Variants in SGSM1 observed in about 807,000 individuals in gnomAD.
The protein encoded by SGSM1 is small G protein signaling modulator 1, also known as RUN and TBC1 domain containing 2.
SGSM1 carries 73 observed loss-of-function variants against 133.8 expected under a neutral mutation model. The ratio of observed to expected loss-of-function variants is 0.55; its 90% CI spans 0.45 to 0.66. The LOEUF (loss-of-function observed/expected upper bound fraction) is 0.66, where lower values mean the gene tolerates loss of function less well. Among genes scored for constraint, SGSM1 ranks in the 30% least tolerant of loss-of-function variants. The pLI is 0.00. For synonymous variants in SGSM1, 563 were observed against 573.0 expected (o/e 0.98, Z 0.25); for missense variants, 1,213 against 1,448.1 (o/e 0.84, Z 2.64).
At chr22:24,873,357 G>A (rs1243116941) in intron 12 of SGSM1, among the ~76,000 whole-genome samples, 1 of 152,088 alleles carries the variant, frequency 6.6e-6, no homozygotes, top group South Asian at 2.1e-4. Context: ...CTTGTGTGGG[G>A]GTTGCCTTGT....
chr22:24,908,181 T>C (rs139751), intron 21 of SGSM1, among the ~76,000 whole-genome samples: 30,608 of 152,024 alleles, frequency 0.2, 3,320 homozygotes, highest in East Asian at 0.42. Flanking sequence ...AAGATTGAAG[T>C]TGAACCCTTA....
intron 2 of SGSM1, among the ~76,000 whole-genome samples, chr22:24,809,517 A>T (rs1184647237): frequency 6.6e-6 from 1 of 152,230 alleles, no homozygotes; most frequent in African/African-American, 2.4e-5. Flanking sequence ...GAAGGGGCCA[A>T]CAGAGGCTGG....
chr22:24,835,173 A>T (rs1304793322), intron 2 of SGSM1, among the ~76,000 whole-genome samples: 1 of 152,268 alleles, frequency 6.6e-6, no homozygotes, highest in African/African-American at 2.4e-5. Context: ...AACATGCCTG[A>T]TGCAGGGAGG....
At chr22:24,809,783 T>C (rs1334253234) in intron 2 of SGSM1, among the ~76,000 whole-genome samples, 3 of 152,082 alleles carry the variant, frequency 2.0e-5, no homozygotes, top group Admixed American at 2.0e-4. Context: ...AGTTACCTTA[T>C]CAAAATTACA....
chr22:24,818,471 G>A (rs539974581), intron 2 of SGSM1, among the ~76,000 whole-genome samples: 8 of 151,148 alleles, frequency 5.3e-5, no homozygotes, highest in Admixed American at 2.6e-4. Context: ...AGGTTCAAGC[G>A]ATTCTCCTGC....
Position 24,912,672 on chromosome 22 carries a change from C to A in SGSM1, c.2848C>A (p.Leu950Ile). The A allele has an allele frequency of 6.2e-7, 1 of 1,613,628 alleles. No homozygotes were observed. The highest frequency in any genetic ancestry group is 8.5e-7 in the Non-Finnish European group (1 of 1,179,776). The change falls in exon 22 of 25, where the codon CTC becomes ATC. Residue 950 changes from leucine (L) to isoleucine (I), a missense_variant. By Grantham distance (5) the Leu-to-Ile change is conservative. Transcript: ENST00000400358. Reference sequence around the variant, plus strand: ...CCTTGCCTTCAGCTGCTTCACGGAGCTCATGAAGAGGATGAACCAGAACTT... The same window carrying A: ...CCTTGCCTTCAGCTGCTTCACGGAGATCATGAAGAGGATGAACCAGAACTT... ...EALAFSCFTE[L>I]MKRMNQNFPH...
chr22:24,879,390 G>A, intron 13 of SGSM1, 72 bp from the exon 14 acceptor site: 1 of 1,459,612 alleles, frequency 6.9e-7, no homozygotes, highest in East Asian at 2.3e-5. Context: ...GATAGCACGT[G>A]GTTATCCTCT....
chr22:24,830,749 C>T (rs1402620741), intron 2 of SGSM1, among the ~76,000 whole-genome samples: 5 of 62,668 alleles, frequency 8.0e-5, no homozygotes, highest in South Asian at 8.9e-4. Flanking sequence ...TGAGAATCAC[C>T]GGGAGGGCTT....
chr22:24,902,649 T>C (rs1180629952), intron 20 of SGSM1, among the ~76,000 whole-genome samples: 1 of 152,038 alleles, frequency 6.6e-6, no homozygotes, highest in Admixed American at 6.6e-5. Context: ...ATTACACCAT[T>C]GTACTCCAGC....
intron 20 of SGSM1, among the ~76,000 whole-genome samples, 179 bp downstream of exon 20, chr22:24,902,136 C>G (rs542945834): frequency 1.8e-4 from 27 of 152,296 alleles, no homozygotes; most frequent in African/African-American, 5.8e-4. Flanking sequence ...TTATTAAGCA[C>G]TTACTGTATA....
Position 24,917,708 on chromosome 22 carries a change from T to C in SGSM1, c.2979T>C (p.Thr993=). 1 of 1,614,020 alleles carries C rather than the reference T, an allele frequency of 6.2e-7. No homozygotes were observed. Among genetic ancestry groups the C allele is most frequent in the Non-Finnish European group, 8.5e-7 (1 of 1,179,962 alleles). ...TGATGCATCAGAACGGGGACTATAC[T>C]CACTTCTACTTCTGCTACCGCTGGT... ...FELMHQNGDY[T]HFYFCYRWFL... is the part of the protein sequence containing the mutation. The change falls in exon 23 of 25, where the codon ACT becomes ACC. Residue 993 remains threonine (T), a synonymous_variant. Coordinates refer to ENST00000400358, the MANE Select transcript of SGSM1 (RefSeq NM_001098497.3).
intron 19 of SGSM1, among the ~76,000 whole-genome samples, chr22:24,901,615 G>A (rs1193444589): frequency 6.6e-6 from 1 of 152,018 alleles, no homozygotes; most frequent in South Asian, 2.1e-4. Flanking sequence ...AGCTATAGTT[G>A]TAACTCTCTG....
chr22:24,920,916 A>G (rs1406679268), intron 24 of SGSM1, among the ~76,000 whole-genome samples: 1 of 152,178 alleles, frequency 6.6e-6, no homozygotes. Flanking sequence ...TATCATTGGC[A>G]CGTTACCATC....
intron 4 of SGSM1, 110 bp downstream of exon 4, chr22:24,847,906 C>G: frequency 7.1e-7 from 1 of 1,403,820 alleles, no homozygotes; most frequent in Non-Finnish European, 9.5e-7. Context: ...AGTCTCCATC[C>G]TGCTTCTCAA....
At chr22:24,835,318 A>G (rs149540455) in intron 2 of SGSM1, among the ~76,000 whole-genome samples, 134 of 152,214 alleles carry the variant, frequency 8.8e-4, no homozygotes, top group African/African-American at 2.8e-3. Flanking sequence ...GCGTCGCCTC[A>G]TCTAAACCTC....
chr22:24,899,637 C>T (rs948211374), intron 19 of SGSM1, among the ~76,000 whole-genome samples: 1 of 151,432 alleles, frequency 6.6e-6, no homozygotes, highest in African/African-American at 2.4e-5. Context: ...ATTCTCTTGC[C>T]TCAGCCTCCC....
chr22:24,850,154 G>T, intron 4 of SGSM1, 126 bp from the exon 5 acceptor site: 1 of 976,458 alleles, frequency 1.0e-6, no homozygotes, highest in Non-Finnish European at 1.5e-6. Context: ...CGGCAATATG[G>T]GCTCTTCTTG....
rs1934224055 is a variant in SGSM1 at position 24,926,825 on chromosome 22, T to C, written c.*2551T>C. 6.6e-6 allele frequency: 1 copy of C among 151,678 alleles called. No individual in the cohort carries two copies. Among genetic ancestry groups the C allele is most frequent in the South Asian group, 2.1e-4 (1 of 4,782 alleles). 9.4% of individuals were successfully genotyped at this position (151,678 alleles called of 1,614,324 possible). On this transcript the variant is annotated 3_prime_UTR_variant, in exon 25 of 25. Transcript: ENST00000400358. Reference sequence around the variant, plus strand: ...TGTGTCTATATATAGAGAAAATATATATAAACAGAGAAATATGTGAATCTG... The same window carrying C: ...TGTGTCTATATATAGAGAAAATATACATAAACAGAGAAATATGTGAATCTG...
At chr22:24,918,027 G>A (rs2123745904) in intron 23 of SGSM1, among the ~76,000 whole-genome samples, 1 of 152,328 alleles carries the variant, frequency 6.6e-6, no homozygotes, top group East Asian at 1.9e-4. Flanking sequence ...CAGGGCTAGG[G>A]TGAGTACAGC....
Sources: gnomAD v4.1 joint callset for allele counts (sites outside exome capture counted in the v4.1 genomes callset) on GRCh38, gnomAD v4.1.1 for gene constraint, MANE v1.5 for transcripts, NCBI Gene and HGNC (gene_info 2026-07-23, HGNC 2026-07-21) for gene names.